CDR2L: variants seen among roughly 807,000 people sequenced by gnomAD.
CDR2L encodes cerebellar degeneration related protein 2 like, also known as cerebellar degeneration-related protein 2-like.
CDR2L carries 19 observed loss-of-function variants against 36.1 expected under a neutral mutation model. The ratio of observed to expected loss-of-function variants is 0.53; its 90% CI spans 0.37 to 0.77. The LOEUF is 0.77. Among genes scored for constraint, CDR2L ranks in the 30% least tolerant of loss-of-function variants. CDR2L has a pLI of 0.00. For missense variants in CDR2L, 575 were observed against 627.2 expected, an observed-to-expected ratio of 0.92 and a Z score of 0.89; for synonymous variants, 285 against 280.4, an observed-to-expected ratio of 1.02 and a Z score of -0.16.
At position 75,002,049 on chromosome 17, in the gene CDR2L, C is replaced by A; in HGVS notation, c.342-15C>A. 6.4e-7 allele frequency: 1 copy of A among 1,554,586 alleles called. No individual in the cohort carries two copies. Among genetic ancestry groups the A allele is most frequent in the African/African-American group, 1.4e-5 (1 of 72,276 alleles). On this transcript the variant is annotated splice_polypyrimidine_tract_variant and intron_variant, in intron 3 of 4. Coordinates refer to ENST00000337231, the MANE Select transcript of CDR2L (RefSeq NM_014603.3). The surrounding 1 kb of genome is among the most constrained non-coding windows in gnomAD (Gnocchi z 4.1). ...TCCCCTTAAAGTCCCTGTGTGTCCACCACCCCGCCCCCAGGCTGACGGAGA... is the reference window on the plus strand; with the variant it reads ...TCCCCTTAAAGTCCCTGTGTGTCCAACACCCCGCCCCCAGGCTGACGGAGA...
At chr17:74,994,781 T>A (rs977156254) in intron 1 of CDR2L, among the ~76,000 whole-genome samples, 1 of 151,956 alleles carries the variant, frequency 6.6e-6, no homozygotes, top group Admixed American at 6.6e-5. Flanking sequence ...AATTTTACAA[T>A]TTTTTTGTAG....
At chr17:74,999,653 G>A in intron 2 of CDR2L, 37 bp downstream of exon 2, 6 of 1,336,766 alleles carry the variant, frequency 4.5e-6, no homozygotes, top group Non-Finnish European at 5.2e-6. Context: ...CACCCCTCGA[G>A]GGCCCCTTGG....
intron 1 of CDR2L, among the ~76,000 whole-genome samples, chr17:74,990,536 A>T (rs956735317): frequency 2.0e-5 from 3 of 152,250 alleles, no homozygotes; most frequent in African/African-American, 7.2e-5. Flanking sequence ...AGGCCCAGCA[A>T]CGGGGACAGC....
chr17:74,997,053 T>C (rs2039831148), intron 1 of CDR2L, among the ~76,000 whole-genome samples: 1 of 9,298 alleles, frequency 1.1e-4, no homozygotes, highest in Non-Finnish European at 9.4e-4. Flanking sequence ...TCTTTCTTTC[T>C]TTCTTTCTTT....
Position 74,999,897 on chromosome 17 carries a change from C to T in CDR2L, c.192+281C>T, listed in dbSNP as rs111788464. Among the ~76,000 whole-genome samples, 204 of 152,196 alleles carry T rather than the reference C, an allele frequency of 1.3e-3. 2 individuals carry two copies. Among genetic ancestry groups the T allele is most frequent in the Middle Eastern group, 0.01 (3 of 294 alleles). On this transcript the variant is annotated intron_variant, in intron 2 of 4. Transcript: ENST00000337231. ...AGCTCAAGTGATCCTCCCACCTCAG[C>T]GTCCTAAAGTGCTAGGATTACAGGC...
At chr17:74,997,059 TCTTTCTTTCTTTCTTTC>T (rs1567974272) in intron 1 of CDR2L, among the ~76,000 whole-genome samples, 6 of 11,762 alleles carry the variant, frequency 5.1e-4, no homozygotes, top group Non-Finnish European at 9.4e-4. Flanking sequence ...TTTCTTTCTT[TCTTTCTTTCTTTCTTTC>T]TTTCTTTCTT....
At chr17:75,003,034 T>G in intron 4 of CDR2L, 149 bp from the exon 5 acceptor site, 1 of 784,872 alleles carries the variant, frequency 1.3e-6, no homozygotes, top group Non-Finnish European at 2.0e-6. Context: ...TGGAGGAGGG[T>G]GGAGAGCCAA....
At chr17:74,994,516 G>T (rs759842467) in intron 1 of CDR2L, among the ~76,000 whole-genome samples, 62 of 152,170 alleles carry the variant, frequency 4.1e-4, no homozygotes, top group Non-Finnish European at 1.3e-4. Context: ...TTTGTTCCAG[G>T]TACCTAGGCT....
At position 75,004,890 on chromosome 17, in the gene CDR2L, C is replaced by G. The variant is rs1427282912; in HGVS notation, c.*816C>G. ...TTCCAGGGGCCGGGGCAGTGGGGAGCCCCCATCCCTTCACACCGCCACCAA... is the reference window on the plus strand; with the variant it reads ...TTCCAGGGGCCGGGGCAGTGGGGAGGCCCCATCCCTTCACACCGCCACCAA... On this transcript the variant is annotated 3_prime_UTR_variant, in exon 5 of 5. Transcript: ENST00000337231. 2.0e-5 allele frequency: 3 copies of G among 153,194 alleles called. No individual in the cohort carries two copies. The highest frequency in any genetic ancestry group is 7.2e-5 in the African/African-American group (3 of 41,574). The allele number at this position is 153,194 out of a possible 1,614,324, so 9.5% of individuals were successfully genotyped here. A position where few individuals can be genotyped will look rare whatever the true frequency, so the allele number is the denominator to read the frequency against.
chr17:74,997,472 AC>A (rs1402623278), intron 1 of CDR2L, among the ~76,000 whole-genome samples: 2 of 152,098 alleles, frequency 1.3e-5, no homozygotes, highest in African/African-American at 4.8e-5. Context: ...ACCCCACGGC[AC>A]CTTGCCCCTA....
intron 4 of CDR2L, 78 bp from the exon 5 acceptor site, chr17:75,003,105 C>A: frequency 1.4e-6 from 2 of 1,453,230 alleles, no homozygotes; most frequent in Non-Finnish European, 1.9e-6. Context: ...CCTGGCTGGG[C>A]TGCTCGGCCT....
intron 2 of CDR2L, among the ~76,000 whole-genome samples, chr17:75,000,637 G>T (rs1181906593): frequency 1.4e-5 from 2 of 146,472 alleles, no homozygotes; most frequent in African/African-American, 2.5e-5. Context: ...AAAAAAGGCC[G>T]GGCACAGTGG....
In CDR2L at chr17:75,003,961, C is replaced by T. The variant is rs1340079565; in HGVS notation, c.1285C>T (p.Leu429=). 1 of 1,610,544 alleles carries T rather than the reference C, an allele frequency of 6.2e-7. No individual in the cohort carries two copies. The highest frequency in any genetic ancestry group is 1.1e-5 in the South Asian group (1 of 90,394). Residue 429 remains leucine (L), a synonymous_variant, in exon 5 of 5, where the codon CTG becomes TTG. Transcript: ENST00000337231. Reference sequence around the variant, plus strand: ...GCACGTGGAGGCCGTGGACAAGCGGCTGGAACAGAGCCAGCCCGAGTACAA... The same window carrying T: ...GCACGTGGAGGCCGTGGACAAGCGGTTGGAACAGAGCCAGCCCGAGTACAA... The part of the protein sequence containing the change: ...SQHVEAVDKR[L]EQSQPEYKAL...
In CDR2L at chr17:74,989,057, C is replaced by T. The variant is rs1342571797; in HGVS notation, c.79+935C>T. 6.6e-6 allele frequency among the ~76,000 whole-genome samples: 1 copy of T among 152,158 alleles called. No individual in the cohort carries two copies. The highest frequency in any genetic ancestry group is 6.5e-5 in the Admixed American group (1 of 15,286). On this transcript the variant is annotated intron_variant, in intron 1 of 4. Coordinates refer to ENST00000337231, the MANE Select transcript of CDR2L (RefSeq NM_014603.3). The surrounding 1 kb of genome is among the most constrained non-coding windows in gnomAD (Gnocchi z 4.2). ...GGAAACATGTCCAGGGAGAAGTGACCTTCCCATGGCCTCCAGCAAGCTGGG... is the reference window on the plus strand; with the variant it reads ...GGAAACATGTCCAGGGAGAAGTGACTTTCCCATGGCCTCCAGCAAGCTGGG...
At chr17:74,998,824 T>G (rs779452089) in intron 1 of CDR2L, among the ~76,000 whole-genome samples, 13 of 152,246 alleles carry the variant, frequency 8.5e-5, no homozygotes, top group Non-Finnish European at 1.8e-4. Context: ...GTTGACTTCC[T>G]GTTGTCTTCA....
Position 75,001,442 on chromosome 17 carries a change from C to T in CDR2L, c.294C>T (p.Asn98=). ...CAGCCCGGGACCTGGAGCTGACCAA[C>T]CACAGGCTGGTGCTGGAGAGTAAGG... The part of the protein sequence containing the change: ...DLTARDLELT[N]HRLVLESKAA... The change falls in exon 3 of 5, where the codon AAC becomes AAT. Residue 98 remains asparagine (N), a synonymous_variant. Transcript: ENST00000337231. The T allele has an allele frequency of 6.2e-7, 1 of 1,603,320 alleles. No homozygotes were observed. Among genetic ancestry groups the T allele is most frequent in the Non-Finnish European group, 8.5e-7 (1 of 1,175,728 alleles).
At chr17:74,996,070 GTTT>G (rs2039823467) in intron 1 of CDR2L, among the ~76,000 whole-genome samples, 1 of 151,778 alleles carries the variant, frequency 6.6e-6, no homozygotes, top group South Asian at 2.1e-4. Flanking sequence ...CAACTCAACA[GTTT>G]TTATTATATT....
At chr17:75,000,657 G>A (rs1158903092) in intron 2 of CDR2L, among the ~76,000 whole-genome samples, 1 of 148,094 alleles carries the variant, frequency 6.8e-6, no homozygotes, top group Non-Finnish European at 1.5e-5. Flanking sequence ...GCTCACACCT[G>A]TAATCCTAGC....
Position 75,004,381 on chromosome 17 carries a change from C to A in CDR2L, c.*307C>A. On this transcript the variant is annotated 3_prime_UTR_variant, in exon 5 of 5. Coordinates refer to ENST00000337231, the MANE Select transcript of CDR2L (RefSeq NM_014603.3). Reference sequence around the variant, plus strand: ...TGGCTTCCTGACCCTGCGCCTCACCCTCAGACTGGTGACCAGGCTTCTGAA... The same window carrying A: ...TGGCTTCCTGACCCTGCGCCTCACCATCAGACTGGTGACCAGGCTTCTGAA... 1 of 314,550 alleles carries A rather than the reference C, an allele frequency of 3.2e-6. No individual in the cohort carries two copies. Among genetic ancestry groups the A allele is most frequent in the Non-Finnish European group, 5.8e-6 (1 of 171,924 alleles). 19.5% of individuals were successfully genotyped at this position (314,550 alleles called of 1,614,324 possible). A position where few individuals can be genotyped will look rare whatever the true frequency, so the allele number is the denominator to read the frequency against.
Sources: allele counts gnomAD v4.1 joint callset (sites outside exome capture counted in the v4.1 genomes callset), GRCh38; gene constraint gnomAD v4.1.1; non-coding constraint Gnocchi (gnomAD v3.1); transcripts MANE v1.5; gene names NCBI Gene and HGNC (gene_info 2026-07-23, HGNC 2026-07-21).